The following PRIM2 variants were observed in gnomAD, a reference collection of about 807,000 sequenced individuals.
The protein encoded by PRIM2 is DNA primase subunit 2, also known as DNA primase large subunit.
In PRIM2, 39 loss-of-function variants were observed where a neutral mutation model predicts 67.3. That is an observed-to-expected ratio of 0.58 (90% CI 0.45 to 0.76). PRIM2 has a LOEUF of 0.76. Ranked by LOEUF, PRIM2 falls within the 30% of genes least tolerant of loss-of-function variation. The pLI, the probability that PRIM2 is intolerant of heterozygous loss-of-function variation, is 0.00. For synonymous variants in PRIM2, 143 were observed against 198.7 expected (o/e 0.72, Z 2.36); for missense variants, 398 against 598.7 (o/e 0.66, Z 3.50).
At chr6:57,324,733 A>C (rs530083868) in intron 4 of PRIM2, among the ~76,000 whole-genome samples, 3 of 152,316 alleles carry the variant, frequency 2.0e-5, no homozygotes, top group Non-Finnish European at 2.9e-5. Context: ...TAATAGTGCC[A>C]CCCAGAGGTA....
At chr6:57,372,151 G>C (rs1322950087) in intron 5 of PRIM2, among the ~76,000 whole-genome samples, 1 of 152,062 alleles carries the variant, frequency 6.6e-6, no homozygotes, top group African/African-American at 2.4e-5. Context: ...TACATTTTTA[G>C]TTTCTGTATC....
chr6:57,588,353 G>T (rs1376045303), intron 10 of PRIM2, among the ~76,000 whole-genome samples: 2 of 151,698 alleles, frequency 1.3e-5, no homozygotes, highest in Non-Finnish European at 2.9e-5. Flanking sequence ...GGGGAAGGGG[G>T]CAGGAAGTGA....
intron 12 of PRIM2, among the ~76,000 whole-genome samples, chr6:57,621,151 G>T (rs1392608627): frequency 6.6e-6 from 1 of 152,182 alleles, no homozygotes; most frequent in Non-Finnish European, 1.5e-5. Context: ...ATAAGTGAAA[G>T]AAATTTATTT....
intron 12 of PRIM2, among the ~76,000 whole-genome samples, chr6:57,620,190 C>T (rs1256316785): frequency 6.6e-6 from 1 of 151,816 alleles, no homozygotes; most frequent in Admixed American, 6.6e-5. Context: ...AGTGAGACTC[C>T]ATCTCAAAAA....
chr6:57,411,192 C>T (rs1581878485), intron 7 of PRIM2, among the ~76,000 whole-genome samples: 1 of 152,072 alleles, frequency 6.6e-6, no homozygotes, highest in East Asian at 1.9e-4. Context: ...GCTTGACCTT[C>T]CTCCATCAGT....
intron 7 of PRIM2, among the ~76,000 whole-genome samples, chr6:57,384,008 A>G (rs978461939): frequency 2.0e-5 from 3 of 152,210 alleles, no homozygotes; most frequent in Admixed American, 6.5e-5. Flanking sequence ...AGCTCATAAA[A>G]GTGAGAAGTC....
At chr6:57,546,775 C>A (rs1775297206) in intron 10 of PRIM2, among the ~76,000 whole-genome samples, 1 of 152,096 alleles carries the variant, frequency 6.6e-6, no homozygotes, top group Admixed American at 6.6e-5. Context: ...AAAACATCAA[C>A]CATTTCCAAG....
At chr6:57,417,286 T>C (rs1415257115) in intron 7 of PRIM2, among the ~76,000 whole-genome samples, 2 of 152,168 alleles carry the variant, frequency 1.3e-5, no homozygotes, top group African/African-American at 4.8e-5. Context: ...ATATCATTTA[T>C]GTGTTAACTG....
intron 7 of PRIM2, among the ~76,000 whole-genome samples, chr6:57,412,679 A>G: frequency 1.3e-5 from 2 of 152,112 alleles, no homozygotes; most frequent in Non-Finnish European, 2.9e-5. Flanking sequence ...TTCTTTAGTT[A>G]CTTGGGAAAT....
the PRIM2 span, among the ~76,000 whole-genome samples, chr6:57,249,179 T>C: frequency 6.6e-6 from 1 of 152,238 alleles, no homozygotes; most frequent in East Asian, 1.9e-4. Context: ...GGATGTGACA[T>C]GCTTAAGGAG....
chr6:57,614,821 G>T (rs1255405248), intron 12 of PRIM2, among the ~76,000 whole-genome samples: 14 of 152,214 alleles, frequency 9.2e-5, no homozygotes, highest in African/African-American at 3.1e-4. Flanking sequence ...CTGCACTCCA[G>T]CCTGGGCAAC....
At chr6:57,239,742 T>C in the PRIM2 span, among the ~76,000 whole-genome samples, 3 of 152,120 alleles carry the variant, frequency 2.0e-5, no homozygotes, top group Non-Finnish European at 4.4e-5. Flanking sequence ...CAAAACCTTG[T>C]CTCCAAAAAA....
intron 8 of PRIM2, among the ~76,000 whole-genome samples, chr6:57,523,882 T>G (rs1774683490): frequency 6.6e-6 from 1 of 152,200 alleles, no homozygotes; most frequent in African/African-American, 2.4e-5. Context: ...GAACAGGACT[T>G]AAATTTCTGT....
At chr6:57,393,964 C>G (rs1458891804) in intron 7 of PRIM2, among the ~76,000 whole-genome samples, 1 of 151,684 alleles carries the variant, frequency 6.6e-6, no homozygotes, top group Non-Finnish European at 1.5e-5. Flanking sequence ...TGAAGATCAG[C>G]TGGCTGTAAG....
chr6:57,544,988 A>T (rs1775255851), intron 10 of PRIM2, among the ~76,000 whole-genome samples: 7 of 152,222 alleles, frequency 4.6e-5, no homozygotes, highest in African/African-American at 1.7e-4. Context: ...GAGAAAAAAT[A>T]ATCTTTATCT....
intron 10 of PRIM2, among the ~76,000 whole-genome samples, chr6:57,586,141 T>C (rs1290485500): frequency 6.6e-6 from 1 of 152,058 alleles, no homozygotes; most frequent in Admixed American, 6.6e-5. Flanking sequence ...GGGAATCAAG[T>C]AGATGAAGGG....
At chr6:57,439,462 C>T (rs149843074) in intron 7 of PRIM2, among the ~76,000 whole-genome samples, 2,065 of 119,938 alleles carry the variant, frequency 0.017, 28 homozygotes, top group African/African-American at 0.034. Context: ...GTCACCCAGG[C>T]TGGAGTGTAG....
rs1452587088 is a variant in PRIM2 at position 57,456,457 on chromosome 6, C to A, written c.694-50930C>A. 3.3e-4 allele frequency among the ~76,000 whole-genome samples: 50 copies of A among 152,168 alleles called. 1 individual carries two copies. The South Asian group carries it at 9.7e-3, about 30-fold the overall frequency. On this transcript the variant is annotated intron_variant, in intron 7 of 13. Transcript: ENST00000615550. ...GTAGATTTGGTCTTTTCACATAGTC[C>A]CATATTTCTTGGAGGCTTTGTTCGT...
chr6:57,526,809 G>A (rs1774764777), intron 8 of PRIM2, among the ~76,000 whole-genome samples: 1 of 151,934 alleles, frequency 6.6e-6, no homozygotes, highest in African/African-American at 2.4e-5. Flanking sequence ...AATTAGAAAT[G>A]TTTTTTGCAT....
Sources: allele counts gnomAD v4.1 joint callset (sites outside exome capture counted in the v4.1 genomes callset), GRCh38; gene constraint gnomAD v4.1.1; transcripts MANE v1.5; gene names NCBI Gene and HGNC (gene_info 2026-07-23, HGNC 2026-07-21).